Variants in PCCB observed in about 807,000 individuals in gnomAD.
PCCB encodes propionyl-CoA carboxylase subunit beta.
A neutral mutation model predicts 60.7 loss-of-function variants in PCCB; 43 were observed. The ratio of observed to expected loss-of-function variants is 0.71; its 90% CI spans 0.55 to 0.91. PCCB has a LOEUF of 0.91. Among genes scored for constraint, PCCB ranks in the 40% least tolerant of loss-of-function variants. The pLI, the probability that PCCB is intolerant of heterozygous loss-of-function variation, is 0.00. For synonymous variants in PCCB, 276 were observed against 255.9 expected, an observed-to-expected ratio of 1.08 and a Z score of -0.75; for missense variants, 766 against 702.8, an observed-to-expected ratio of 1.09 and a Z score of -1.02.
Position 136,283,859 on chromosome 3 carries a change from T to C in PCCB, c.566T>C (p.Val189Ala). The change falls in exon 6 of 15, where the codon GTC becomes GCC. Residue 189 changes from valine to alanine, a missense_variant. Transcript: ENST00000251654. ...IFLRNVTASGVIPQISLIMGP... is the reference protein window; with the variant it reads ...IFLRNVTASGAIPQISLIMGP... The stretch of plus-strand genomic sequence containing the variant: ...CAGAGGAATGTTACGGCATCCGGAG[T>C]CATCCCTCAGATTTCTCTGATCATG... The C allele has an allele frequency of 1.9e-6, 3 of 1,613,366 alleles. No individual in the cohort carries two copies. Among genetic ancestry groups the C allele is most frequent in the Non-Finnish European group, 2.5e-6 (3 of 1,179,398 alleles).
chr3:136,326,042 G>A (rs747966761), intron 10 of PCCB, among the ~76,000 whole-genome samples: 1 of 151,734 alleles, frequency 6.6e-6, no homozygotes, highest in Admixed American at 6.6e-5. Context: ...TCGATCTCTT[G>A]ACCTCGTGAT....
At chr3:136,290,671 GTTTTTT>G (rs61191314) in intron 6 of PCCB, among the ~76,000 whole-genome samples, 2 of 60,046 alleles carry the variant, frequency 3.3e-5, no homozygotes, top group East Asian at 5.5e-4. Flanking sequence ...TCTCTGTGTA[GTTTTTT>G]TTTTTTTTTT....
intron 5 of PCCB, among the ~76,000 whole-genome samples, chr3:136,282,636 GTTAA>G (rs1167053399): frequency 2.6e-5 from 4 of 152,144 alleles, no homozygotes; most frequent in Non-Finnish European, 5.9e-5. Context: ...TCAAAACAGT[GTTAA>G]TTATTGCTTT....
intron 9 of PCCB, among the ~76,000 whole-genome samples, chr3:136,305,745 CT>C (rs1197736586): frequency 1.2e-5 from 1 of 80,794 alleles, no homozygotes; most frequent in Admixed American, 1.5e-4. Context: ...GAAACTGTCT[CT>C]AAAAAAAAAA....
rs544716815 is a variant in PCCB at position 136,262,791 on chromosome 3, T to C, written c.543+726T>C. Among the ~76,000 whole-genome samples the C allele has an allele frequency of 1.7e-3, 256 of 152,308 alleles. 1 individual carries two copies. In the Middle Eastern group the frequency reaches 0.024, roughly 14 times the overall value. ...TATCATCCCTGCTCTGCAGGCTTACTTCTGTGGATGGCTTGGCCTAAGCAG... is the reference window on the plus strand; with the variant it reads ...TATCATCCCTGCTCTGCAGGCTTACCTCTGTGGATGGCTTGGCCTAAGCAG... On this transcript the variant is annotated intron_variant, in intron 5 of 14. Transcript: ENST00000251654.
intron 5 of PCCB, among the ~76,000 whole-genome samples, chr3:136,264,489 A>C (rs1046123853): frequency 1.4e-5 from 2 of 140,468 alleles, no homozygotes; most frequent in African/African-American, 5.4e-5. Flanking sequence ...TCCAATCCAG[A>C]ATAAAGCATT....
chr3:136,313,612 C>T (rs1464948108), intron 9 of PCCB, among the ~76,000 whole-genome samples: 3 of 152,036 alleles, frequency 2.0e-5, no homozygotes, highest in African/African-American at 7.2e-5. Context: ...GGGGAAGGAA[C>T]ACTATTAAAC....
chr3:136,327,566 C>G (rs1935369313), intron 12 of PCCB, 68 bp from the exon 13 acceptor site: 1 of 1,228,736 alleles, frequency 8.1e-7, no homozygotes, highest in Non-Finnish European at 1.2e-6. Context: ...ACCTGGTTTC[C>G]TGGGGTCTTT....
At chr3:136,309,140 G>A (rs1383817957) in intron 9 of PCCB, among the ~76,000 whole-genome samples, 1 of 151,788 alleles carries the variant, frequency 6.6e-6, no homozygotes, top group Non-Finnish European at 1.5e-5. Context: ...GCATGTGCCT[G>A]TAATCCCAGG....
chr3:136,260,578 T>C (rs1237600599), intron 4 of PCCB, 43 bp downstream of exon 4: 1 of 1,469,958 alleles, frequency 6.8e-7, no homozygotes, highest in Non-Finnish European at 9.5e-7. Context: ...CTTTCCTCAG[T>C]TACATAGTGC....
At chr3:136,325,409 G>A (rs1039248632) in intron 10 of PCCB, among the ~76,000 whole-genome samples, 4 of 151,624 alleles carry the variant, frequency 2.6e-5, no homozygotes, top group Non-Finnish European at 4.4e-5. Flanking sequence ...GTTGCCTAGA[G>A]TGGTGGTGCA....
At chr3:136,318,369 C>G (rs1934988737) in intron 10 of PCCB, among the ~76,000 whole-genome samples, 3 of 152,094 alleles carry the variant, frequency 2.0e-5, no homozygotes. Flanking sequence ...CAGAGTGACA[C>G]TGTCCCCACC....
chr3:136,282,424 T>A (rs77826479), intron 5 of PCCB, among the ~76,000 whole-genome samples: 2,483 of 152,312 alleles, frequency 0.016, 72 homozygotes, highest in African/African-American at 0.057. Flanking sequence ...ATAGTTTTAG[T>A]GTACCATTTT....
intron 6 of PCCB, among the ~76,000 whole-genome samples, 172 bp from the exon 7 acceptor site, chr3:136,293,584 G>A (rs1324141025): frequency 6.6e-6 from 1 of 152,162 alleles, no homozygotes; most frequent in African/African-American, 2.4e-5. Context: ...AAGACAATAA[G>A]GCAGGGAAAA....
At chr3:136,317,761 G>A (rs1934961320) in intron 10 of PCCB, among the ~76,000 whole-genome samples, 1 of 152,098 alleles carries the variant, frequency 6.6e-6, no homozygotes, top group South Asian at 2.1e-4. Context: ...ACAGTGCCAG[G>A]CACATAGATG....
intron 5 of PCCB, among the ~76,000 whole-genome samples, chr3:136,282,251 G>C (rs943986439): frequency 2.5e-4 from 38 of 152,196 alleles, no homozygotes; most frequent in Admixed American, 2.4e-3. Flanking sequence ...AAATTTACTT[G>C]CTGTTTTATC....
intron 1 of PCCB, among the ~76,000 whole-genome samples, chr3:136,252,825 C>T (rs1941553774): frequency 6.6e-6 from 1 of 151,374 alleles, no homozygotes; most frequent in African/African-American, 2.4e-5. Flanking sequence ...TTTTAAAAAT[C>T]TGTATATATG....
In PCCB at chr3:136,262,437, T is replaced by C. The variant is rs866732979; in HGVS notation, c.543+372T>C. 3.3e-5 allele frequency among the ~76,000 whole-genome samples: 5 copies of C among 152,370 alleles called. No homozygotes were observed. The Middle Eastern group carries it at 0.01, about 311-fold the overall frequency. ...AAAAAATGTAGCACCTTTTTTATTTTTTAGTTAAAACACTACAGGATTATT... is the reference window on the plus strand; with the variant it reads ...AAAAAATGTAGCACCTTTTTTATTTCTTAGTTAAAACACTACAGGATTATT... On this transcript the variant is annotated intron_variant, in intron 5 of 14. Transcript: ENST00000251654.
At chr3:136,268,879 G>A (rs1560003004) in intron 5 of PCCB, among the ~76,000 whole-genome samples, 3 of 152,172 alleles carry the variant, frequency 2.0e-5, no homozygotes, top group East Asian at 1.9e-4. Flanking sequence ...TCCACTCCAC[G>A]TAGATGGAAT....
Sources: allele counts gnomAD v4.1 joint callset (sites outside exome capture counted in the v4.1 genomes callset), GRCh38; gene constraint gnomAD v4.1.1; transcripts MANE v1.5; gene names NCBI Gene and HGNC (gene_info 2026-07-23, HGNC 2026-07-21).